SERPINE3: variants seen among roughly 807,000 people sequenced by gnomAD.
The protein encoded by SERPINE3 is serpin family E member 3.
SERPINE3 carries 43 observed loss-of-function variants against 41.7 expected under a neutral mutation model. The ratio of observed to expected loss-of-function variants is 1.03; its 90% confidence interval spans 0.81 to 1.33. SERPINE3 has a LOEUF of 1.33. Among genes scored for constraint, SERPINE3 ranks in the 40% most tolerant of loss-of-function variants. The probability of loss-of-function intolerance (pLI) is 0.00; values close to 1 mark genes in which losing one functional copy is unlikely to be tolerated. For missense variants in SERPINE3, 440 were observed against 491.7 expected, an observed-to-expected ratio of 0.89 and a Z score of 0.99; for synonymous variants, 200 against 192.2, an observed-to-expected ratio of 1.04 and a Z score of -0.34.
intron 6 of SERPINE3, 98 bp from the exon 7 acceptor site, chr13:51,354,945 C>A: frequency 1.5e-6 from 1 of 655,858 alleles, no homozygotes; most frequent in Non-Finnish European, 2.7e-6. Flanking sequence ...GTGGAGCCAG[C>A]CTGACTTCCA....
At chr13:51,364,099 C>G in intron 9 of SERPINE3, 140 bp from the exon 10 acceptor site, 1 of 422,336 alleles carries the variant, frequency 2.4e-6, no homozygotes, top group Non-Finnish European at 4.1e-6. Flanking sequence ...AGCAATGTGA[C>G]TACAGGCAAT....
chr13:51,351,412 T>A (rs1436774978), intron 6 of SERPINE3, among the ~76,000 whole-genome samples: 1 of 152,158 alleles, frequency 6.6e-6, no homozygotes, highest in Non-Finnish European at 1.5e-5. Flanking sequence ...AGGTAGAGCA[T>A]CTTTTCATGT....
chr13:51,348,767 T>C (rs1955377281), intron 6 of SERPINE3: 1 of 239,656 alleles, frequency 4.2e-6, no homozygotes, highest in South Asian at 1.0e-4. Context: ...GTAGGAACGT[T>C]GCCCAAATCT....
At position 51,347,260 on chromosome 13, in the gene SERPINE3, C is replaced by G. The variant is rs183841656; in HGVS notation, c.700+26C>G. The stretch of plus-strand genomic sequence containing the variant: ...GTGAGCTCTGCCCCTGCTGGTTTGT[C>G]TAAAGGGAGAGGAAGCCTGGGCCTG... On this transcript the variant is annotated intron_variant, in intron 5 of 9. Transcript: ENST00000681248. 257 of 1,603,392 alleles carry G rather than the reference C, an allele frequency of 1.6e-4. 1 individual carries two copies. Among genetic ancestry groups the G allele is most frequent in the Middle Eastern group, 1.3e-3 (8 of 6,052 alleles).
chr13:51,349,174 T>A (rs148628379), intron 6 of SERPINE3, among the ~76,000 whole-genome samples: 1 of 152,188 alleles, frequency 6.6e-6, no homozygotes, highest in Admixed American at 6.5e-5. Flanking sequence ...TGTTGTCCAG[T>A]AGCCACTAGA....
intron 6 of SERPINE3, chr13:51,348,658 T>C (rs1955375131): frequency 2.8e-5 from 8 of 289,278 alleles, no homozygotes; most frequent in Non-Finnish European, 5.6e-6. Context: ...CAAGACAAGA[T>C]ATTCTGCCTT....
chr13:51,339,773 A>T (rs941862089), intron 1 of SERPINE3, 30 bp downstream of exon 1: 2 of 152,244 alleles, frequency 1.3e-5, no homozygotes, highest in African/African-American at 4.8e-5. Context: ...GAGGTGAGCC[A>T]TGACAGGGAT....
At chr13:51,350,835 C>G (rs1955396457) in intron 6 of SERPINE3, among the ~76,000 whole-genome samples, 1 of 152,106 alleles carries the variant, frequency 6.6e-6, no homozygotes, top group Admixed American at 6.5e-5. Context: ...TCTATTTGCT[C>G]TCAATAGATT....
At chr13:51,350,228 T>C (rs745649673) in intron 6 of SERPINE3, among the ~76,000 whole-genome samples, 1 of 152,172 alleles carries the variant, frequency 6.6e-6, no homozygotes, top group East Asian at 1.9e-4. Context: ...AGTGCACTAG[T>C]AGATTCTGGA....
At chr13:51,342,343 C>G (rs564615575) in intron 3 of SERPINE3, among the ~76,000 whole-genome samples, 1 of 152,266 alleles carries the variant, frequency 6.6e-6, no homozygotes, top group East Asian at 1.9e-4. Flanking sequence ...TGACACTGAG[C>G]ACCTTTGTTA....
intron 8 of SERPINE3, 176 bp from the exon 9 acceptor site, chr13:51,361,634 G>A: frequency 1.6e-6 from 1 of 615,316 alleles, no homozygotes; most frequent in South Asian, 2.2e-5. Flanking sequence ...GACAGGATTG[G>A]CTAAATGGCA....
chr13:51,346,955 C>T, intron 4 of SERPINE3, 70 bp from the exon 5 acceptor site: 2 of 1,171,088 alleles, frequency 1.7e-6, no homozygotes, highest in Non-Finnish European at 2.5e-6. Flanking sequence ...TCCTTGTCCG[C>T]ACACACACTG....
intron 4 of SERPINE3, among the ~76,000 whole-genome samples, chr13:51,345,750 T>C (rs775081059): frequency 6.6e-6 from 1 of 152,248 alleles, no homozygotes; most frequent in Non-Finnish European, 1.5e-5. Context: ...TATTTTACCA[T>C]GTCTTTTCAA....
chr13:51,360,471 T>C (rs1955555510), intron 7 of SERPINE3, among the ~76,000 whole-genome samples: 1 of 152,094 alleles, frequency 6.6e-6, no homozygotes, highest in African/African-American at 2.4e-5. Flanking sequence ...TCTAAATCTT[T>C]CATTTTTTAC....
intron 4 of SERPINE3, among the ~76,000 whole-genome samples, chr13:51,346,079 T>C (rs1231471992): frequency 6.6e-6 from 1 of 152,182 alleles, no homozygotes; most frequent in Non-Finnish European, 1.5e-5. Flanking sequence ...GGAATAATAA[T>C]AGAACTGTTA....
Position 51,364,390 on chromosome 13 carries a change from G to A in SERPINE3, c.*108G>A. On this transcript the variant is annotated 3_prime_UTR_variant, in exon 10 of 10. Coordinates refer to ENST00000681248, the MANE Select transcript of SERPINE3 (RefSeq NM_001386375.1). ...GTCTGATAAAGTGTAAAAAGCTAAG[G>A]GTATGTGATTTTCAATATTATAAAC... The A allele has an allele frequency of 5.1e-6, 3 of 585,412 alleles. No individual in the cohort carries two copies. Among genetic ancestry groups the A allele is most frequent in the Non-Finnish European group, 5.7e-6 (2 of 350,792 alleles). The allele number at this position is 585,412 out of a possible 1,614,324, so 36.3% of individuals were successfully genotyped here.
At chr13:51,341,978 A>G (rs1268578565) in intron 3 of SERPINE3, among the ~76,000 whole-genome samples, 1 of 152,054 alleles carries the variant, frequency 6.6e-6, no homozygotes. Flanking sequence ...ATTTCTATGG[A>G]TTATGTATTT....
chr13:51,348,875 C>T (rs564576849), intron 6 of SERPINE3, among the ~76,000 whole-genome samples: 53 of 152,322 alleles, frequency 3.5e-4, no homozygotes, highest in African/African-American at 1.1e-3. Flanking sequence ...TCTGATCAGA[C>T]GCCAAATTAA....
intron 3 of SERPINE3, among the ~76,000 whole-genome samples, chr13:51,343,308 T>C (rs1370937200): frequency 6.6e-6 from 1 of 152,206 alleles, no homozygotes; most frequent in Non-Finnish European, 1.5e-5. Flanking sequence ...GGGGCTTCAC[T>C]TCTGGAAACA....
Sources: gnomAD v4.1 joint callset for allele counts (sites outside exome capture counted in the v4.1 genomes callset) on GRCh38, gnomAD v4.1.1 for gene constraint, MANE v1.5 for transcripts, NCBI Gene and HGNC (gene_info 2026-07-23, HGNC 2026-07-21) for gene names.